The following GPC3 variants were observed in gnomAD, a reference collection of about 807,000 sequenced individuals.
GPC3 encodes the protein glypican 3, also known as glypican-3.
Under a neutral mutation model 34.4 loss-of-function variants are expected in GPC3, and 3 were observed. The ratio of observed to expected loss-of-function variants is 0.09; its 90% CI spans 0.04 to 0.23. The LOEUF (loss-of-function observed/expected upper bound fraction) is 0.23, where lower values mean the gene tolerates loss of function less well. GPC3 is among the 10% of genes least tolerant of loss of function. The probability of loss-of-function intolerance (pLI) is 1.00; values close to 1 mark genes in which losing one functional copy is unlikely to be tolerated. For synonymous variants in GPC3, 177 were observed against 174.0 expected, an observed-to-expected ratio of 1.02 and a Z score of -0.13; for missense variants, 351 against 445.6, an observed-to-expected ratio of 0.79 and a Z score of 1.91.
At chrX:133,623,738 T>C (rs2070261639) in intron 6 of GPC3, among the ~76,000 whole-genome samples, 2 of 111,289 alleles carry the variant, frequency 1.8e-5, no homozygotes, top group Admixed American at 1.9e-4. Context: ...CTGCCAACAT[T>C]AGATGGATCA....
chrX:133,931,119 CT>C (rs2076296649), intron 2 of GPC3, among the ~76,000 whole-genome samples: 1 of 111,361 alleles, frequency 9.0e-6, no homozygotes, highest in South Asian at 3.8e-4. Context: ...ACAGTATCTA[CT>C]TTATAGGGTT....
chrX:133,924,206 A>C (rs1569455400), intron 2 of GPC3, among the ~76,000 whole-genome samples: 1 of 111,899 alleles, frequency 8.9e-6, no homozygotes, highest in Non-Finnish European at 1.9e-5. Context: ...GAAAATGCTC[A>C]ACACTTTTGA....
chrX:133,679,852 C>T (rs755946159), intron 5 of GPC3, among the ~76,000 whole-genome samples: 23 of 110,521 alleles, frequency 2.1e-4, no homozygotes, highest in African/African-American at 6.3e-4. Context: ...GACGGGGTTT[C>T]GACATGTTGC....
At chrX:133,752,209 T>C (rs1226323852) in intron 3 of GPC3, among the ~76,000 whole-genome samples, 3 of 111,494 alleles carry the variant, frequency 2.7e-5, no homozygotes, top group Non-Finnish European at 5.6e-5. Context: ...ATTTGAATGT[T>C]TCTAGCATAA....
At chrX:133,933,411 C>T (rs893170319) in intron 2 of GPC3, among the ~76,000 whole-genome samples, 1 of 111,108 alleles carries the variant, frequency 9.0e-6, no homozygotes, top group African/African-American at 3.3e-5. Flanking sequence ...GGTGTTCAGA[C>T]AGCTTGTTGC....
At position 133,744,795 on chromosome X, in the gene GPC3, A is replaced by T. The variant is rs773319754; in HGVS notation, c.1032+8687T>A. Reference sequence around the variant, plus strand: ...CATCAATGTTAGACTGGATAAAGAAAATGTGGTACATATACACCATGTAAT... The same window carrying T: ...CATCAATGTTAGACTGGATAAAGAATATGTGGTACATATACACCATGTAAT... On this transcript the variant is annotated intron_variant, in intron 3 of 7. Coordinates refer to ENST00000370818, the MANE Select transcript of GPC3 (RefSeq NM_004484.4). Among the ~76,000 whole-genome samples the T allele has an allele frequency of 3.2e-3, 355 of 112,416 alleles. 2 individuals are homozygous for T. Among genetic ancestry groups the T allele is most frequent in the African/African-American group, 0.011 (336 of 30,955 alleles).
chrX:133,658,627 C>T (rs1466770214), intron 6 of GPC3, among the ~76,000 whole-genome samples: 5 of 111,503 alleles, frequency 4.5e-5, no homozygotes, highest in Non-Finnish European at 9.4e-5. Flanking sequence ...TAAAGCAACA[C>T]AGATGAGAAA....
chrX:133,945,753 C>CAAAAA (rs199768417), intron 2 of GPC3, among the ~76,000 whole-genome samples: 1 of 79,385 alleles, frequency 1.3e-5, no homozygotes, highest in Non-Finnish European at 2.5e-5. Flanking sequence ...GACTCCGTCT[C>CAAAAA]AAAAAAAAAA....
intron 2 of GPC3, among the ~76,000 whole-genome samples, chrX:133,865,934 C>T (rs2075964459): frequency 1.8e-5 from 2 of 112,143 alleles, no homozygotes; most frequent in Non-Finnish European, 3.8e-5. Flanking sequence ...GTAACTATTA[C>T]TTGTCATGTA....
At chrX:133,631,877 T>C (rs1411050617) in intron 6 of GPC3, among the ~76,000 whole-genome samples, 2 of 109,679 alleles carry the variant, frequency 1.8e-5, no homozygotes, top group East Asian at 2.8e-4. Flanking sequence ...TGTTCAATGA[T>C]GATGAGCATT....
intron 2 of GPC3, among the ~76,000 whole-genome samples, chrX:133,778,543 A>C (rs1400673954): frequency 8.9e-6 from 1 of 112,384 alleles, no homozygotes; most frequent in Non-Finnish European, 1.9e-5. Flanking sequence ...AACAACTGAG[A>C]ATTTGAGATA....
At chrX:133,676,351 G>T (rs1017243158) in intron 5 of GPC3, among the ~76,000 whole-genome samples, 1 of 112,478 alleles carries the variant, frequency 8.9e-6, no homozygotes, top group Admixed American at 9.3e-5. Context: ...TGGTGGAAGT[G>T]CATGGCCATG....
intron 7 of GPC3, 190 bp downstream of exon 7, chrX:133,596,250 G>A (rs1329448951): frequency 4.4e-6 from 2 of 457,390 alleles, no homozygotes; most frequent in African/African-American, 4.9e-5. Flanking sequence ...GGTTGGAAAT[G>A]GTGGGAGGAA....
intron 1 of GPC3, among the ~76,000 whole-genome samples, chrX:133,963,669 T>C (rs1391639113): frequency 9.0e-6 from 1 of 111,653 alleles, no homozygotes; most frequent in Non-Finnish European, 1.9e-5. Flanking sequence ...CATTTTGTAC[T>C]TCTCTAACAA....
At chrX:133,641,073 A>G (rs2070476237) in intron 6 of GPC3, among the ~76,000 whole-genome samples, 2 of 109,548 alleles carry the variant, frequency 1.8e-5, no homozygotes, top group African/African-American at 6.7e-5. Context: ...TGTTTTCTTT[A>G]AGAAAAATAA....
In GPC3 at chrX:133,915,969, A is replaced by G. The variant is rs184345633; in HGVS notation, c.337+37081T>C. ...AGACCAGCCTAGCCAACATGGTAAAACCCCGTCTCTACTAAAAATACAAAA... is the reference window on the plus strand; with the variant it reads ...AGACCAGCCTAGCCAACATGGTAAAGCCCCGTCTCTACTAAAAATACAAAA... On this transcript the variant is annotated intron_variant, in intron 2 of 7. Coordinates refer to ENST00000370818, the MANE Select transcript of GPC3 (RefSeq NM_004484.4). Among the ~76,000 whole-genome samples the G allele has an allele frequency of 3.6e-5, 4 of 109,722 alleles. No homozygotes were observed. In the East Asian group the frequency reaches 1.2e-3, roughly 32 times the overall value.
At chrX:133,791,890 T>C (rs1282848771) in intron 2 of GPC3, among the ~76,000 whole-genome samples, 6 of 102,789 alleles carry the variant, frequency 5.8e-5, no homozygotes, top group Non-Finnish European at 7.9e-5. Context: ...TTCTTTCTTT[T>C]TTTTTTTTTT....
intron 1 of GPC3, among the ~76,000 whole-genome samples, chrX:133,983,700 T>C (rs2076551399): frequency 9.0e-6 from 1 of 111,358 alleles, no homozygotes; most frequent in Non-Finnish European, 1.9e-5. Flanking sequence ...CAAAAGCATG[T>C]TCTCTAGCCT....
chrX:133,684,278 G>T (rs985695990), intron 5 of GPC3, among the ~76,000 whole-genome samples: 3 of 112,061 alleles, frequency 2.7e-5, no homozygotes, highest in African/African-American at 9.7e-5. Flanking sequence ...AGGAACTGTG[G>T]AGATAGATAG....
Sources: gnomAD v4.1 joint callset for allele counts (sites outside exome capture counted in the v4.1 genomes callset) on GRCh38, gnomAD v4.1.1 for gene constraint, MANE v1.5 for transcripts, NCBI Gene and HGNC (gene_info 2026-07-23, HGNC 2026-07-21) for gene names.